GPC6: variants seen among roughly 807,000 people sequenced by gnomAD.
GPC6 encodes glypican-6.
In GPC6, 14 loss-of-function variants were observed where a neutral mutation model predicts 55.2. That is an observed-to-expected ratio of 0.25 (90% confidence interval 0.17 to 0.40). GPC6 has a LOEUF of 0.40. GPC6 is among the 10% of genes least tolerant of loss of function. The probability of loss-of-function intolerance (pLI) is 1.00; values close to 1 mark genes in which losing one functional copy is unlikely to be tolerated. For missense variants in GPC6, 641 were observed against 708.5 expected (o/e 0.90, Z 1.08); for synonymous variants, 278 against 259.6 (o/e 1.07, Z -0.68).
At chr13:94,212,176 A>G (rs1890100569) in intron 4 of GPC6, among the ~76,000 whole-genome samples, 1 of 152,204 alleles carries the variant, frequency 6.6e-6, no homozygotes, top group African/African-American at 2.4e-5. Flanking sequence ...CCATACTGAG[A>G]TGTACCAGCA....
chr13:94,070,845 G>C (rs978756338), intron 4 of GPC6, among the ~76,000 whole-genome samples: 2 of 152,176 alleles, frequency 1.3e-5, no homozygotes, highest in Non-Finnish European at 2.9e-5. Flanking sequence ...GGCCTCTAGT[G>C]CGTCTCAACA....
intron 1 of GPC6, among the ~76,000 whole-genome samples, chr13:93,513,959 C>T (rs1163937778): frequency 6.7e-6 from 1 of 150,366 alleles, no homozygotes; most frequent in Non-Finnish European, 1.5e-5. Context: ...CTGCAACCTC[C>T]ACCTCCCAGG....
chr13:94,024,946 T>C (rs1344321578), intron 3 of GPC6, among the ~76,000 whole-genome samples: 1 of 152,168 alleles, frequency 6.6e-6, no homozygotes, highest in Non-Finnish European at 1.5e-5. Flanking sequence ...AATACCCAAG[T>C]CATCATTGTA....
intron 3 of GPC6, among the ~76,000 whole-genome samples, chr13:93,952,200 C>T (rs1879281878): frequency 6.6e-6 from 1 of 151,948 alleles, no homozygotes. Flanking sequence ...CAAACAGATC[C>T]AGAAGATAGA....
At chr13:94,384,520 C>T (rs555719888) in intron 7 of GPC6, among the ~76,000 whole-genome samples, 214 of 152,194 alleles carry the variant, frequency 1.4e-3, no homozygotes, top group Non-Finnish European at 2.3e-3. Context: ...GATATTAGTC[C>T]ATATGCAATT....
chr13:93,345,635 T>A (rs979752555), intron 1 of GPC6, among the ~76,000 whole-genome samples: 1 of 152,198 alleles, frequency 6.6e-6, no homozygotes, highest in Non-Finnish European at 1.5e-5. Flanking sequence ...TGGAGTTTCA[T>A]ACACCCACAC....
intron 3 of GPC6, among the ~76,000 whole-genome samples, chr13:93,853,512 T>A (rs1888487135): frequency 6.6e-6 from 1 of 151,680 alleles, no homozygotes; most frequent in East Asian, 1.9e-4. Flanking sequence ...GACCGTTCTA[T>A]ATAATGCCTT....
At chr13:93,339,854 T>G (rs542749175) in intron 1 of GPC6, among the ~76,000 whole-genome samples, 1 of 152,254 alleles carries the variant, frequency 6.6e-6, no homozygotes, top group East Asian at 1.9e-4. Flanking sequence ...AGAAAATTAC[T>G]TTTGAAAGGA....
chr13:94,207,380 C>T (rs1889935898), intron 4 of GPC6, among the ~76,000 whole-genome samples: 1 of 152,188 alleles, frequency 6.6e-6, no homozygotes. Flanking sequence ...CCCACTAGCC[C>T]TCTGAAGTAA....
chr13:93,610,512 C>G (rs9556310), intron 2 of GPC6, among the ~76,000 whole-genome samples: 1 of 151,722 alleles, frequency 6.6e-6, no homozygotes, highest in African/African-American at 2.4e-5. Context: ...ACAAGGGAAG[C>G]GTATCAGGAG....
At chr13:94,120,533 T>C (rs1282930409) in intron 4 of GPC6, among the ~76,000 whole-genome samples, 1 of 152,084 alleles carries the variant, frequency 6.6e-6, no homozygotes, top group Non-Finnish European at 1.5e-5. Context: ...GGTTTCTTTT[T>C]TTTTTTTCCC....
chr13:94,008,696 C>G (rs1259020274), intron 3 of GPC6, among the ~76,000 whole-genome samples: 1 of 152,026 alleles, frequency 6.6e-6, no homozygotes, highest in African/African-American at 2.4e-5. Flanking sequence ...GCATTTGGTG[C>G]CATATTGTAA....
At chr13:94,383,075 C>G (rs1880242405) in intron 7 of GPC6, among the ~76,000 whole-genome samples, 1 of 152,128 alleles carries the variant, frequency 6.6e-6, no homozygotes, top group East Asian at 1.9e-4. Context: ...CCATCGGAAC[C>G]TCCTGACAAG....
intron 1 of GPC6, among the ~76,000 whole-genome samples, chr13:93,483,194 T>C (rs1442229119): frequency 6.6e-6 from 1 of 152,222 alleles, no homozygotes; most frequent in African/African-American, 2.4e-5. Context: ...GTTTGATTTC[T>C]CATAATTAAA....
At chr13:93,683,434 C>A (rs1881930840) in intron 2 of GPC6, among the ~76,000 whole-genome samples, 1 of 151,992 alleles carries the variant, frequency 6.6e-6, no homozygotes, top group Admixed American at 6.5e-5. Context: ...TTAATTAGGA[C>A]TTCATTTGTA....
chr13:93,647,626 G>T (rs1340271492), intron 2 of GPC6, among the ~76,000 whole-genome samples: 5 of 152,138 alleles, frequency 3.3e-5, no homozygotes, highest in African/African-American at 1.2e-4. Flanking sequence ...TTGTGCTCAT[G>T]GGATCCTGCC....
intron 1 of GPC6, among the ~76,000 whole-genome samples, chr13:93,368,337 TTTCCTTCCTTCC>T (rs768601581): frequency 0.055 from 5,107 of 92,474 alleles, 263 homozygotes; most frequent in East Asian, 0.21. Flanking sequence ...CCCTCCCTGC[TTTCCTTCCTTCC>T]TTCCTTCCTT....
intron 5 of GPC6, among the ~76,000 whole-genome samples, chr13:94,296,013 A>G (rs1875314852): frequency 6.6e-6 from 1 of 151,868 alleles, no homozygotes; most frequent in Non-Finnish European, 1.5e-5. Context: ...TACCTAGCAC[A>G]CATAAAATTG....
chr13:93,908,717 G>C (rs566933179), intron 3 of GPC6, among the ~76,000 whole-genome samples: 1 of 152,034 alleles, frequency 6.6e-6, no homozygotes, highest in Non-Finnish European at 1.5e-5. Flanking sequence ...TCTCTCCTGC[G>C]ACTCTCAGGC....
Sources: gnomAD v4.1 joint callset for allele counts (sites outside exome capture counted in the v4.1 genomes callset) on GRCh38, gnomAD v4.1.1 for gene constraint, MANE v1.5 for transcripts, NCBI Gene and HGNC (gene_info 2026-07-23, HGNC 2026-07-21) for gene names.